Variants in GMEB2 observed in about 807,000 individuals in gnomAD.
GMEB2 encodes glucocorticoid modulatory element binding protein 2.
Under a neutral mutation model 45.7 loss-of-function variants are expected in GMEB2, and 7 were observed. The observed-to-expected ratio is 0.15, with a 90% confidence interval of 0.09 to 0.29. The LOEUF is 0.29. Among genes scored for constraint, GMEB2 ranks in the 10% least tolerant of loss-of-function variants. GMEB2 has a pLI of 1.00. For missense variants in GMEB2, 582 were observed against 739.2 expected, an observed-to-expected ratio of 0.79 and a Z score of 2.47; for synonymous variants, 322 against 323.6, an observed-to-expected ratio of 1.00 and a Z score of 0.05.
At chr20:63,600,060 G>A (rs767315491) in intron 4 of GMEB2, among the ~76,000 whole-genome samples, 47 of 146,942 alleles carry the variant, frequency 3.2e-4, no homozygotes, top group Non-Finnish European at 4.1e-4. Context: ...TTTTTTTTTT[G>A]AGATGGAGTC....
At chr20:63,595,520 G>A (rs920375587) in intron 6 of GMEB2, 90 bp downstream of exon 6, 8 of 1,244,172 alleles carry the variant, frequency 6.4e-6, no homozygotes, top group Non-Finnish European at 8.9e-6. Flanking sequence ...GCAAACGCCT[G>A]GGGCCAAGGA....
In GMEB2 at chr20:63,590,053, G is replaced by A; in HGVS notation, c.*36C>T. 1.3e-6 allele frequency: 2 copies of A among 1,486,470 alleles called. No homozygotes were observed. The highest frequency in any genetic ancestry group is 2.3e-5 in the East Asian group (1 of 42,814). 92.1% of individuals were successfully genotyped at this position (1,486,470 alleles called of 1,614,324 possible). A position where few individuals can be genotyped will look rare whatever the true frequency, so the allele number is the denominator to read the frequency against. On this transcript the variant is annotated 3_prime_UTR_variant, in exon 10 of 10. Transcript: ENST00000370077. Reference sequence around the variant, plus strand: ...TGCTGCCGCGGCTGAGAGACAGCCAGCCCTGTCCGTCCCAGGGGCCTCGCC... The same window carrying A: ...TGCTGCCGCGGCTGAGAGACAGCCAACCCTGTCCGTCCCAGGGGCCTCGCC...
chr20:63,603,326 TA>T (rs1171280780), intron 3 of GMEB2, among the ~76,000 whole-genome samples: 3 of 152,178 alleles, frequency 2.0e-5, no homozygotes, highest in African/African-American at 4.8e-5. Flanking sequence ...AGAATTCCAT[TA>T]AACTATGGTT....
chr20:63,601,932 T>TGCCTGTGGCTTCTGTGGG (rs1300669855), intron 4 of GMEB2, among the ~76,000 whole-genome samples: 1 of 139,828 alleles, frequency 7.2e-6, no homozygotes, highest in Non-Finnish European at 1.5e-5. Context: ...GCTTCTGTGC[T>TGCCTGTGGCTTCTGTGGG]GCCTGTGGCT....
At chr20:63,601,672 G>A (rs1322555435) in intron 4 of GMEB2, among the ~76,000 whole-genome samples, 1 of 152,052 alleles carries the variant, frequency 6.6e-6, no homozygotes, top group African/African-American at 2.4e-5. Flanking sequence ...ATGGCACCCG[G>A]CCTCTTTTAT....
At chr20:63,622,624 C>T (rs1601036926) in intron 1 of GMEB2, among the ~76,000 whole-genome samples, 2 of 152,108 alleles carry the variant, frequency 1.3e-5, no homozygotes, top group South Asian at 2.1e-4. Context: ...CCTACCTGGG[C>T]ATGGGTCTCC....
At chr20:63,601,458 C>G (rs539087116) in intron 4 of GMEB2, among the ~76,000 whole-genome samples, 1 of 152,200 alleles carries the variant, frequency 6.6e-6, no homozygotes, top group Non-Finnish European at 1.5e-5. Context: ...GAAGACCTAT[C>G]CACTAAGTGT....
rs2089671774 is a variant in GMEB2, at chr20:63,626,300, G to C, written c.-58+656C>G. 2.1e-4 allele frequency among the ~76,000 whole-genome samples: 32 copies of C among 150,216 alleles called. 1 individual carries two copies. In the South Asian group the frequency reaches 6.6e-3, roughly 31 times the overall value. ...CCCCTGCGGGTCGGGTGCCTGCGGG[G>C]TGGTCCCTATGGGTCGCGTCCCTGC... is the stretch of plus-strand genomic sequence containing the variant. On this transcript the variant is annotated intron_variant, in intron 1 of 9. Coordinates refer to ENST00000370077, the MANE Select transcript of GMEB2 (RefSeq NM_012384.5).
intron 4 of GMEB2, among the ~76,000 whole-genome samples, chr20:63,602,306 CGTG>C (rs1569052512): frequency 6.6e-6 from 1 of 152,146 alleles, no homozygotes; most frequent in African/African-American, 2.4e-5. Flanking sequence ...TATGGGAGTA[CGTG>C]GTGGATTCAC....
chr20:63,601,819 T>C (rs1287760699), intron 4 of GMEB2, among the ~76,000 whole-genome samples: 4 of 151,284 alleles, frequency 2.6e-5, no homozygotes, highest in Non-Finnish European at 4.4e-5. Context: ...CTGTGGCTTC[T>C]GTGCTGCCTG....
intron 2 of GMEB2, among the ~76,000 whole-genome samples, chr20:63,605,978 G>A (rs1157484218): frequency 6.6e-6 from 1 of 152,000 alleles, no homozygotes; most frequent in African/African-American, 2.4e-5. Context: ...AACCCAGCAG[G>A]TGAAACCAGC....
At chr20:63,597,016 C>CG (rs1555893143) in intron 5 of GMEB2, among the ~76,000 whole-genome samples, 3 of 149,868 alleles carry the variant, frequency 2.0e-5, no homozygotes, top group Non-Finnish European at 1.5e-5. Flanking sequence ...GACTCCCTCT[C>CG]AAAAAAAAAG....
At chr20:63,598,481 C>T (rs1422227488) in intron 4 of GMEB2, among the ~76,000 whole-genome samples, 1 of 152,130 alleles carries the variant, frequency 6.6e-6, no homozygotes, top group South Asian at 2.1e-4. Context: ...GTTACACAAG[C>T]AATTATTGAA....
At chr20:63,625,534 TTCC>T (rs2089665049) in intron 1 of GMEB2, among the ~76,000 whole-genome samples, 1 of 152,116 alleles carries the variant, frequency 6.6e-6, no homozygotes. Context: ...AAGGCTTGGG[TTCC>T]CCACTAGTGT....
At chr20:63,615,958 CAGT>C (rs1260660100) in intron 2 of GMEB2, among the ~76,000 whole-genome samples, 1 of 152,144 alleles carries the variant, frequency 6.6e-6, no homozygotes, top group African/African-American at 2.4e-5. Context: ...AAGGTGTTGA[CAGT>C]AGGAATCTCT....
chr20:63,608,796 AC>A (rs1184320456), intron 2 of GMEB2, among the ~76,000 whole-genome samples: 40 of 33,128 alleles, frequency 1.2e-3, no homozygotes, highest in African/African-American at 3.9e-3. Flanking sequence ...TGCCCCTCTG[AC>A]CCCACCTCCA....
At chr20:63,613,451 G>A (rs2089585166) in intron 2 of GMEB2, among the ~76,000 whole-genome samples, 1 of 152,098 alleles carries the variant, frequency 6.6e-6, no homozygotes, top group African/African-American at 2.4e-5. Context: ...ACCCACAGAG[G>A]AGAGCTCTAA....
At chr20:63,599,236 C>A (rs1388713164) in intron 4 of GMEB2, among the ~76,000 whole-genome samples, 2 of 151,076 alleles carry the variant, frequency 1.3e-5, no homozygotes, top group African/African-American at 2.5e-5. Flanking sequence ...GCTAACTCGG[C>A]CCGCTCCTGA....
intron 2 of GMEB2, among the ~76,000 whole-genome samples, chr20:63,610,683 A>C (rs2089562931): frequency 6.6e-6 from 1 of 152,226 alleles, no homozygotes. Flanking sequence ...TCAGAGAAGA[A>C]GGCGCATGCA....
Sources: gnomAD v4.1 joint callset for allele counts (sites outside exome capture counted in the v4.1 genomes callset) on GRCh38, gnomAD v4.1.1 for gene constraint, MANE v1.5 for transcripts, NCBI Gene and HGNC (gene_info 2026-07-23, HGNC 2026-07-21) for gene names.